SLC24A3: variants seen among roughly 807,000 people sequenced by gnomAD.
SLC24A3 encodes the protein solute carrier family 24 member 3, also known as sodium/potassium/calcium exchanger 3.
SLC24A3 carries 28 observed loss-of-function variants against 75.8 expected under a neutral mutation model. That is an observed-to-expected ratio of 0.37 (90% CI 0.27 to 0.51). The LOEUF is 0.51. Among genes scored for constraint, SLC24A3 ranks in the 20% least tolerant of loss-of-function variants. The probability of loss-of-function intolerance (pLI) is 0.94; values close to 1 mark genes in which losing one functional copy is unlikely to be tolerated. For synonymous variants in SLC24A3, 372 were observed against 334.1 expected (o/e 1.11, Z -1.24); for missense variants, 663 against 847.8 (o/e 0.78, Z 2.71).
At chr20:19,656,021 C>T (rs1045370636) in intron 7 of SLC24A3, among the ~76,000 whole-genome samples, 1 of 152,124 alleles carries the variant, frequency 6.6e-6, no homozygotes, top group Admixed American at 6.5e-5. Flanking sequence ...AGTTTTCTTA[C>T]CTACACAATA....
At chr20:19,631,972 A>G (rs1252743933) in intron 6 of SLC24A3, among the ~76,000 whole-genome samples, 1 of 152,000 alleles carries the variant, frequency 6.6e-6, no homozygotes, top group Non-Finnish European at 1.5e-5. Flanking sequence ...TCTCTAGAGA[A>G]TGGCAGTAAC....
intron 2 of SLC24A3, among the ~76,000 whole-genome samples, chr20:19,352,436 A>G (rs1985590756): frequency 6.6e-6 from 1 of 152,224 alleles, no homozygotes; most frequent in Non-Finnish European, 1.5e-5. Context: ...AAAGGAAACT[A>G]ACATTATTAA....
intron 1 of SLC24A3, among the ~76,000 whole-genome samples, chr20:19,218,914 T>A (rs1328127736): frequency 6.6e-6 from 1 of 152,050 alleles, no homozygotes; most frequent in East Asian, 1.9e-4. Context: ...AGGTATGGGG[T>A]GGTTAGAAAA....
intron 2 of SLC24A3, among the ~76,000 whole-genome samples, chr20:19,325,979 A>G (rs1984851225): frequency 1.3e-5 from 2 of 151,906 alleles, no homozygotes; most frequent in Non-Finnish European, 2.9e-5. Flanking sequence ...TTTGACTGCA[A>G]CCAGTCACAT....
chr20:19,358,364 C>G (rs1459826481), intron 2 of SLC24A3, among the ~76,000 whole-genome samples: 2 of 152,128 alleles, frequency 1.3e-5, no homozygotes, highest in Non-Finnish European at 2.9e-5. Context: ...CTGTTATAGA[C>G]CTCCACTATG....
intron 2 of SLC24A3, among the ~76,000 whole-genome samples, chr20:19,367,739 TGG>T (rs959833853): frequency 1.3e-5 from 2 of 152,092 alleles, no homozygotes; most frequent in African/African-American, 4.8e-5. Flanking sequence ...GAGGGTCTGG[TGG>T]GGAGGCTCAT....
chr20:19,658,895 T>C (rs190084339), intron 7 of SLC24A3, among the ~76,000 whole-genome samples: 1 of 152,338 alleles, frequency 6.6e-6, no homozygotes, highest in East Asian at 1.9e-4. Context: ...GGCCTCCCAG[T>C]CCTGTCTTTT....
intron 2 of SLC24A3, among the ~76,000 whole-genome samples, chr20:19,477,540 A>G (rs748505025): frequency 2.6e-5 from 4 of 152,196 alleles, no homozygotes; most frequent in African/African-American, 4.8e-5. Context: ...AAGTGTGTGG[A>G]AGGAACTCAA....
intron 12 of SLC24A3, among the ~76,000 whole-genome samples, chr20:19,685,807 C>G (rs1188240628): frequency 6.6e-6 from 1 of 152,062 alleles, no homozygotes; most frequent in Non-Finnish European, 1.5e-5. Flanking sequence ...TACCTTCCAG[C>G]AAGCAGGAAT....
At chr20:19,297,860 A>T (rs1984096907) in intron 2 of SLC24A3, among the ~76,000 whole-genome samples, 1 of 152,162 alleles carries the variant, frequency 6.6e-6, no homozygotes, top group Non-Finnish European at 1.5e-5. Context: ...TATCCCTCTC[A>T]CTTCCTTCCA....
intron 2 of SLC24A3, among the ~76,000 whole-genome samples, chr20:19,301,311 G>T (rs1012559997): frequency 1.3e-5 from 2 of 152,178 alleles, no homozygotes; most frequent in South Asian, 4.1e-4. Context: ...AGCAATTAGT[G>T]GGACAGGCTG....
intron 2 of SLC24A3, among the ~76,000 whole-genome samples, chr20:19,408,176 A>G (rs2122416173): frequency 6.6e-6 from 1 of 152,350 alleles, no homozygotes; most frequent in East Asian, 1.9e-4. Context: ...ATGCCTGTTC[A>G]TTGGAGAAAA....
At chr20:19,633,607 C>G (rs1484119929) in intron 6 of SLC24A3, among the ~76,000 whole-genome samples, 4 of 146,224 alleles carry the variant, frequency 2.7e-5, no homozygotes, top group African/African-American at 1.0e-4. Flanking sequence ...CGAGATCCCG[C>G]CACTGCACTC....
At chr20:19,421,708 A>G (rs1477077374) in intron 2 of SLC24A3, among the ~76,000 whole-genome samples, 1 of 152,078 alleles carries the variant, frequency 6.6e-6, no homozygotes, top group Non-Finnish European at 1.5e-5. Flanking sequence ...GGCAAAAAGG[A>G]AAAAAAAGTG....
chr20:19,508,394 T>C (rs1164469463), intron 2 of SLC24A3, among the ~76,000 whole-genome samples: 1 of 152,150 alleles, frequency 6.6e-6, no homozygotes, highest in East Asian at 1.9e-4. Context: ...TGCTCAGACA[T>C]GTTAAGGGAG....
chr20:19,237,491 C>T (rs991151763), intron 1 of SLC24A3, among the ~76,000 whole-genome samples: 5 of 152,126 alleles, frequency 3.3e-5, no homozygotes, highest in South Asian at 2.1e-4. Context: ...CACCTGTTCC[C>T]GTCATGTGCT....
intron 1 of SLC24A3, among the ~76,000 whole-genome samples, chr20:19,231,794 T>C (rs772256592): frequency 1.3e-5 from 2 of 152,224 alleles, no homozygotes; most frequent in South Asian, 2.1e-4. Flanking sequence ...TCTAACTCTC[T>C]GCAGAGCAGG....
At chr20:19,655,349 T>A (rs767427074) in intron 7 of SLC24A3, among the ~76,000 whole-genome samples, 1 of 152,130 alleles carries the variant, frequency 6.6e-6, no homozygotes, top group Non-Finnish European at 1.5e-5. Context: ...TCTGTGTCAT[T>A]TGTGGGGAAA....
At chr20:19,455,657 C>T (rs1216074439) in intron 2 of SLC24A3, among the ~76,000 whole-genome samples, 1 of 152,212 alleles carries the variant, frequency 6.6e-6, no homozygotes, top group East Asian at 1.9e-4. Context: ...AATTCAGCAT[C>T]CTCTCTCAGA....
Sources: gnomAD v4.1 joint callset for allele counts (sites outside exome capture counted in the v4.1 genomes callset) on GRCh38, gnomAD v4.1.1 for gene constraint, MANE v1.5 for transcripts, NCBI Gene and HGNC (gene_info 2026-07-23, HGNC 2026-07-21) for gene names.